ADAMTS6: variants seen among roughly 807,000 people sequenced by gnomAD.
ADAMTS6 encodes A disintegrin and metalloproteinase with thrombospondin motifs 6.
ADAMTS6 carries 23 observed loss-of-function variants against 144.3 expected under a neutral mutation model. That is an observed-to-expected ratio of 0.16 (90% CI 0.11 to 0.23). The LOEUF is 0.23. Among genes scored for constraint, ADAMTS6 ranks in the 10% least tolerant of loss-of-function variants. The pLI is 1.00. For missense variants in ADAMTS6, 999 were observed against 1,379.6 expected (o/e 0.72, Z 4.37); for synonymous variants, 444 against 457.5 (o/e 0.97, Z 0.38).
chr5:65,370,932 C>T (rs933651064), intron 7 of ADAMTS6, among the ~76,000 whole-genome samples: 9 of 152,308 alleles, frequency 5.9e-5, no homozygotes, highest in East Asian at 5.8e-4. Context: ...GATCTGAGAA[C>T]GGGCAGACTG....
At chr5:65,406,132 C>A (rs1319649010) in intron 7 of ADAMTS6, among the ~76,000 whole-genome samples, 6 of 152,108 alleles carry the variant, frequency 3.9e-5, no homozygotes, top group Non-Finnish European at 8.8e-5. Context: ...ATTGAATACC[C>A]TTTATTTCTT....
intron 18 of ADAMTS6, among the ~76,000 whole-genome samples, chr5:65,216,738 TGATA>T (rs1220725141): frequency 1.4e-5 from 2 of 147,752 alleles, no homozygotes; most frequent in African/African-American, 2.5e-5. Context: ...GAAAAAATAT[TGATA>T]GATAAACATG....
chr5:65,353,943 T>C (rs1365260677), intron 7 of ADAMTS6, among the ~76,000 whole-genome samples: 1 of 151,974 alleles, frequency 6.6e-6, no homozygotes, highest in Non-Finnish European at 1.5e-5. Flanking sequence ...GCAGTAGTAA[T>C]GACTGACATA....
chr5:65,292,118 A>G lies in ADAMTS6; in HGVS notation c.1371-648T>C, dbSNP rs919134961. On this transcript the variant is annotated intron_variant, in intron 10 of 24. Transcript: ENST00000381055. ...TTCTTTGTATAATTTCTGCGTTTCAAGCTATGCCTGCACTCAAACATAATA... is the reference window on the plus strand; with the variant it reads ...TTCTTTGTATAATTTCTGCGTTTCAGGCTATGCCTGCACTCAAACATAATA... Among the ~76,000 whole-genome samples, 11 of 152,162 alleles carry G rather than the reference A, an allele frequency of 7.2e-5. No individual in the cohort carries two copies. In the East Asian group the frequency reaches 2.1e-3, roughly 29 times the overall value.
chr5:65,220,762 G>C (rs1316720630), intron 18 of ADAMTS6, among the ~76,000 whole-genome samples: 2 of 151,928 alleles, frequency 1.3e-5, no homozygotes, highest in African/African-American at 4.8e-5. Flanking sequence ...AAAAAGAAGA[G>C]TGGGAATCAA....
At chr5:65,280,314 C>G (rs1762888977) in intron 11 of ADAMTS6, among the ~76,000 whole-genome samples, 1 of 152,160 alleles carries the variant, frequency 6.6e-6, no homozygotes, top group East Asian at 1.9e-4. Flanking sequence ...GAATTGGATC[C>G]AGACTTTAGC....
intron 3 of ADAMTS6, among the ~76,000 whole-genome samples, chr5:65,461,467 T>G (rs1371489005): frequency 1.3e-5 from 2 of 152,262 alleles, no homozygotes; most frequent in Admixed American, 1.3e-4. Flanking sequence ...ATGGTAAAAG[T>G]TATCTACATC....
intron 8 of ADAMTS6, among the ~76,000 whole-genome samples, chr5:65,332,960 G>T (rs190103042): frequency 6.6e-6 from 1 of 152,134 alleles, no homozygotes; most frequent in Admixed American, 6.5e-5. Context: ...GGTAGGAGAA[G>T]CCTGGGAAGT....
At chr5:65,307,190 T>C (rs1428904406) in intron 9 of ADAMTS6, among the ~76,000 whole-genome samples, 20 of 152,232 alleles carry the variant, frequency 1.3e-4, no homozygotes. Flanking sequence ...GTATGCTTAG[T>C]TTTATAAGAA....
intron 11 of ADAMTS6, among the ~76,000 whole-genome samples, chr5:65,275,416 A>AAAGAAAGAAAGG (rs1491241170): frequency 2.9e-5 from 4 of 136,986 alleles, no homozygotes; most frequent in Admixed American, 7.4e-5. Flanking sequence ...AGAAAGAAAG[A>AAAGAAAGAAAGG]AAAGAAAGAA....
intron 7 of ADAMTS6, among the ~76,000 whole-genome samples, chr5:65,430,462 CG>C (rs767848558): frequency 1.3e-5 from 2 of 152,056 alleles, no homozygotes; most frequent in Non-Finnish European, 2.9e-5. Context: ...ATCTTACTTT[CG>C]GAACATTTAA....
intron 7 of ADAMTS6, among the ~76,000 whole-genome samples, chr5:65,339,571 G>A (rs1747627166): frequency 6.6e-6 from 1 of 151,190 alleles, no homozygotes; most frequent in Non-Finnish European, 1.5e-5. Context: ...TAATCTTAAG[G>A]AAAGTGAGAT....
At chr5:65,404,341 T>C (rs998637250) in intron 7 of ADAMTS6, among the ~76,000 whole-genome samples, 1 of 152,108 alleles carries the variant, frequency 6.6e-6, no homozygotes, top group Non-Finnish European at 1.5e-5. Context: ...TTCCCCATCC[T>C]GTGTCCAAGT....
At chr5:65,357,350 T>C (rs1364335162) in intron 7 of ADAMTS6, among the ~76,000 whole-genome samples, 1 of 151,622 alleles carries the variant, frequency 6.6e-6, no homozygotes, top group Non-Finnish European at 1.5e-5. Context: ...CCAAAACTTA[T>C]GGGATGCACA....
Position 65,473,676 on chromosome 5 carries a change from T to C in ADAMTS6, c.-3A>G. The C allele has an allele frequency of 6.2e-7, 1 of 1,612,300 alleles. No individual in the cohort carries two copies. Among genetic ancestry groups the C allele is most frequent in the South Asian group, 1.1e-5 (1 of 91,036 alleles). On this transcript the variant is annotated 5_prime_UTR_variant, in exon 2 of 25. Transcript: ENST00000381055. Reference sequence around the variant, plus strand: ...AACGTCTTCCACAAAATTTCCATAATTTAGAAAACTGGATGATTTTTTTGA... The same window carrying C: ...AACGTCTTCCACAAAATTTCCATAACTTAGAAAACTGGATGATTTTTTTGA...
At chr5:65,476,851 G>A (rs1441294106) in intron 1 of ADAMTS6, among the ~76,000 whole-genome samples, 1 of 152,144 alleles carries the variant, frequency 6.6e-6, no homozygotes, top group African/African-American at 2.4e-5. Flanking sequence ...CTGACATCCT[G>A]ATCCGCCAGC....
At chr5:65,364,250 A>T (rs1407966989) in intron 7 of ADAMTS6, among the ~76,000 whole-genome samples, 1 of 152,228 alleles carries the variant, frequency 6.6e-6, no homozygotes, top group Non-Finnish European at 1.5e-5. Flanking sequence ...GAGAAACTGC[A>T]GCTGTGACAG....
intron 10 of ADAMTS6, 57 bp from the exon 11 acceptor site, chr5:65,291,527 A>G (rs1742303725): frequency 3.3e-6 from 5 of 1,513,582 alleles, no homozygotes. Flanking sequence ...TTTTAGTCAC[A>G]ATTATGAAAC....
At chr5:65,319,737 GA>G (rs1745392209) in intron 9 of ADAMTS6, among the ~76,000 whole-genome samples, 1 of 71,360 alleles carries the variant, frequency 1.4e-5, no homozygotes, top group Non-Finnish European at 2.6e-5. Context: ...GGGAGGGAGG[GA>G]GGGAAGGAAG....
Sources: gnomAD v4.1 joint callset for allele counts (sites outside exome capture counted in the v4.1 genomes callset) on GRCh38, gnomAD v4.1.1 for gene constraint, MANE v1.5 for transcripts, NCBI Gene and HGNC (gene_info 2026-07-23, HGNC 2026-07-21) for gene names.